Variants in EXOC6B observed in about 807,000 individuals in gnomAD.
EXOC6B encodes the protein exocyst complex component 6B.
In EXOC6B, 54 loss-of-function variants were observed where a neutral mutation model predicts 113.5. The observed-to-expected ratio is 0.48, with a 90% CI of 0.38 to 0.60. The LOEUF (loss-of-function observed/expected upper bound fraction) is 0.60. Among genes scored for constraint, EXOC6B ranks in the 20% least tolerant of loss-of-function variants. EXOC6B has a pLI of 0.00. For synonymous variants in EXOC6B, 357 were observed against 339.0 expected, an observed-to-expected ratio of 1.05 and a Z score of -0.58; for missense variants, 797 against 977.5, an observed-to-expected ratio of 0.82 and a Z score of 2.46.
intron 18 of EXOC6B, among the ~76,000 whole-genome samples, chr2:72,434,927 T>G (rs1695761625): frequency 6.6e-6 from 1 of 152,172 alleles, no homozygotes; most frequent in African/African-American, 2.4e-5. Context: ...CTGATCTTAG[T>G]TATTTGTTGT....
intron 18 of EXOC6B, among the ~76,000 whole-genome samples, chr2:72,423,818 G>A (rs752410984): frequency 2.8e-4 from 42 of 151,940 alleles, no homozygotes; most frequent in African/African-American, 9.7e-4. Flanking sequence ...CTGTTTATCC[G>A]TTTTGGGTTA....
intron 1 of EXOC6B, among the ~76,000 whole-genome samples, chr2:72,768,611 T>C (rs1182561011): frequency 2.7e-5 from 1 of 36,898 alleles, no homozygotes; most frequent in African/African-American, 3.7e-5. Flanking sequence ...GGCCTAAGCT[T>C]TTTTTTTTTT....
intron 19 of EXOC6B, among the ~76,000 whole-genome samples, chr2:72,358,261 C>T (rs970011930): frequency 1.3e-5 from 2 of 151,688 alleles, no homozygotes; most frequent in African/African-American, 2.4e-5. Context: ...AAGCTATCCA[C>T]GTGCTCCCCC....
At chr2:72,463,799 G>A (rs772286341) in intron 18 of EXOC6B, 6 of 152,162 alleles carry the variant, frequency 3.9e-5, no homozygotes, top group Non-Finnish European at 8.8e-5. Flanking sequence ...TCAGAATAAT[G>A]TAACAAAATC....
chr2:72,331,729 C>T (rs1227913374), intron 20 of EXOC6B, among the ~76,000 whole-genome samples: 2 of 152,046 alleles, frequency 1.3e-5, no homozygotes, highest in Admixed American at 6.6e-5. Flanking sequence ...AGAAATCTGA[C>T]AAATGAGGTT....
At chr2:72,242,138 G>T (rs1024590933) in intron 20 of EXOC6B, among the ~76,000 whole-genome samples, 1 of 152,174 alleles carries the variant, frequency 6.6e-6, no homozygotes, top group Non-Finnish European at 1.5e-5. Context: ...GCTGCAGTGA[G>T]CTATCATCGT....
intron 6 of EXOC6B, among the ~76,000 whole-genome samples, chr2:72,698,447 T>C (rs892919283): frequency 6.6e-6 from 1 of 152,208 alleles, no homozygotes; most frequent in African/African-American, 2.4e-5. Context: ...AAAATGCCTT[T>C]TCATGTCACA....
intron 1 of EXOC6B, among the ~76,000 whole-genome samples, chr2:72,787,392 G>T (rs569892592): frequency 6.6e-6 from 1 of 151,800 alleles, no homozygotes; most frequent in Non-Finnish European, 1.5e-5. Context: ...TAGAGACAGG[G>T]TTTCACCATG....
chr2:72,599,971 A>G (rs1032963009), intron 6 of EXOC6B, among the ~76,000 whole-genome samples: 13 of 152,188 alleles, frequency 8.5e-5, no homozygotes, highest in African/African-American at 3.1e-4. Flanking sequence ...ATTTCTCCCA[A>G]ATGATCTAAA....
chr2:72,662,294 C>T (rs1438113837), intron 6 of EXOC6B, among the ~76,000 whole-genome samples: 1 of 152,096 alleles, frequency 6.6e-6, no homozygotes, highest in Non-Finnish European at 1.5e-5. Context: ...AGACATGACA[C>T]CAAAATCATG....
At chr2:72,416,628 T>C (rs987214413) in intron 18 of EXOC6B, among the ~76,000 whole-genome samples, 3 of 152,190 alleles carry the variant, frequency 2.0e-5, no homozygotes, top group African/African-American at 7.2e-5. Context: ...TTCTTCTCTT[T>C]GGGAAAAGTT....
At chr2:72,406,188 C>T (rs1051063231) in intron 18 of EXOC6B, among the ~76,000 whole-genome samples, 1 of 152,140 alleles carries the variant, frequency 6.6e-6, no homozygotes, top group Admixed American at 6.5e-5. Flanking sequence ...TACAGGAGCA[C>T]CCAGATTCAT....
At chr2:72,453,830 C>A (rs548300557) in intron 18 of EXOC6B, among the ~76,000 whole-genome samples, 1 of 152,174 alleles carries the variant, frequency 6.6e-6, no homozygotes, top group Non-Finnish European at 1.5e-5. Context: ...TGTTCTCACT[C>A]TCCTATGAAG....
At chr2:72,430,935 T>A (rs1040353524) in intron 18 of EXOC6B, among the ~76,000 whole-genome samples, 1 of 152,118 alleles carries the variant, frequency 6.6e-6, no homozygotes, top group Non-Finnish European at 1.5e-5. Context: ...TTGAGATTGG[T>A]TTTTGGGCTA....
chr2:72,218,115 G>A lies in EXOC6B; in HGVS notation c.2197-33928C>T, dbSNP rs1464392406. On this transcript the variant is annotated intron_variant, in intron 20 of 21. Transcript: ENST00000272427. ...GGAGATGAAGGGAGGAGGTTTTGCC[G>A]GTTTATAAGTCAATGCCCAGTCAGA... 4.6e-5 allele frequency among the ~76,000 whole-genome samples: 7 copies of A among 152,084 alleles called. 1 individual carries two copies. Among genetic ancestry groups the A allele is most frequent in the Non-Finnish European group, 5.9e-5 (4 of 68,016 alleles).
chr2:72,410,996 C>T (rs534986255), intron 18 of EXOC6B, among the ~76,000 whole-genome samples: 2 of 152,096 alleles, frequency 1.3e-5, no homozygotes, highest in Non-Finnish European at 1.5e-5. Context: ...ATAGCCTGAG[C>T]TCAAGAGTTC....
chr2:72,238,391 C>T (rs1682092414), intron 20 of EXOC6B, among the ~76,000 whole-genome samples: 1 of 152,062 alleles, frequency 6.6e-6, no homozygotes, highest in African/African-American at 2.4e-5. Context: ...TTGGTATGGA[C>T]AAATGTTTTC....
chr2:72,404,461 T>G lies in EXOC6B; in HGVS notation c.1981-24591A>C, dbSNP rs1693585028. 2.0e-5 allele frequency among the ~76,000 whole-genome samples: 3 copies of G among 152,142 alleles called. No homozygotes were observed. The South Asian group carries it at 6.2e-4, about 32-fold the overall frequency. ...AGCCTAACTGGAAGGCACCCCCCAG[T>G]AGGGGCAGACTGACACCTCACATGG... On this transcript the variant is annotated intron_variant, in intron 18 of 21. Transcript: ENST00000272427.
intron 20 of EXOC6B, among the ~76,000 whole-genome samples, chr2:72,298,458 T>C (rs1390721020): frequency 2.0e-5 from 3 of 152,246 alleles, no homozygotes; most frequent in African/African-American, 7.2e-5. Context: ...GTCTGTGTCT[T>C]TTAATTGGGG....
Sources: gnomAD v4.1 joint callset for allele counts (sites outside exome capture counted in the v4.1 genomes callset) on GRCh38, gnomAD v4.1.1 for gene constraint, MANE v1.5 for transcripts, NCBI Gene and HGNC (gene_info 2026-07-23, HGNC 2026-07-21) for gene names.